The following CHD7 variants were observed in gnomAD, a reference collection of about 807,000 sequenced individuals.
CHD7 encodes ATP-dependent chromatin remodeler CHD7.
CHD7 carries 24 observed loss-of-function variants against 307.3 expected under a neutral mutation model. The ratio of observed to expected loss-of-function variants is 0.08; its 90% CI spans 0.06 to 0.11. CHD7 has a LOEUF of 0.11. CHD7 is among the 10% of genes least tolerant of loss of function. CHD7 has a pLI of 1.00. For missense variants in CHD7, 3,106 were observed against 3,727.1 expected (o/e 0.83, Z 4.34); for synonymous variants, 1,363 against 1,349.9 (o/e 1.01, Z -0.21).
chr8:60,685,803 C>T (rs1000055298), intron 1 of CHD7, among the ~76,000 whole-genome samples: 1 of 152,066 alleles, frequency 6.6e-6, no homozygotes, highest in African/African-American at 2.4e-5. Flanking sequence ...CTGTTACACC[C>T]AGAAAAGCTT....
chr8:60,841,620 A>G, intron 19 of CHD7, 24 bp from the exon 20 acceptor site: 1 of 1,562,870 alleles, frequency 6.4e-7, no homozygotes, highest in East Asian at 2.3e-5. Context: ...CTCTCAAAGT[A>G]ATGCGTTTCT....
At chr8:60,771,755 TG>T (rs1249228476) in intron 2 of CHD7, among the ~76,000 whole-genome samples, 1 of 152,074 alleles carries the variant, frequency 6.6e-6, no homozygotes, top group African/African-American at 2.4e-5. Context: ...ATGACTTGGG[TG>T]GGGGGCTTCA....
At chr8:60,834,878 G>A (rs1190772486) in intron 15 of CHD7, among the ~76,000 whole-genome samples, 2 of 152,192 alleles carry the variant, frequency 1.3e-5, no homozygotes, top group Admixed American at 1.3e-4. Context: ...CATGTGAGAG[G>A]CTGTGGTTGT....
intron 1 of CHD7, among the ~76,000 whole-genome samples, chr8:60,718,759 ACATC>A (rs138118142): frequency 0.011 from 1,605 of 151,934 alleles, 32 homozygotes; most frequent in African/African-American, 0.037. Context: ...GTGTGCAGTA[ACATC>A]CTAGGCCTTC....
intron 21 of CHD7, among the ~76,000 whole-genome samples, chr8:60,844,416 C>T (rs1010779759): frequency 1.6e-4 from 25 of 152,132 alleles, no homozygotes; most frequent in African/African-American, 5.3e-4. Flanking sequence ...TGGGTTGATG[C>T]GGCCATACTG....
At chr8:60,824,177 T>G (rs1241373236) in intron 13 of CHD7, 161 bp downstream of exon 13, 1 of 624,554 alleles carries the variant, frequency 1.6e-6, no homozygotes, top group Admixed American at 3.1e-5. Context: ...AGTTGTTGCC[T>G]TTTGGATTCT....
At chr8:60,800,576 AAATT>A in intron 5 of CHD7, 51 bp downstream of exon 5, 1 of 483,018 alleles carries the variant, frequency 2.1e-6, no homozygotes, top group Non-Finnish European at 3.1e-6. Flanking sequence ...GATGGACTAG[AAATT>A]TCATTGCTGC....
intron 37 of CHD7, 37 bp from the exon 38 acceptor site, chr8:60,864,979 G>A: frequency 6.5e-7 from 1 of 1,543,434 alleles, no homozygotes; most frequent in Non-Finnish European, 8.8e-7. Context: ...GTCTTCGACA[G>A]CCTTTATAGC....
intron 3 of CHD7, among the ~76,000 whole-genome samples, chr8:60,787,344 C>T (rs1390850522): frequency 6.6e-6 from 1 of 152,122 alleles, no homozygotes; most frequent in African/African-American, 2.4e-5. Context: ...GCCAGAGTCC[C>T]CCTTCCTACT....
chr8:60,835,659 G>A (rs1480599162), intron 15 of CHD7, among the ~76,000 whole-genome samples: 5 of 151,954 alleles, frequency 3.3e-5, no homozygotes, highest in South Asian at 2.1e-4. Context: ...TTTTCATTTC[G>A]GAACAGATTT....
intron 21 of CHD7, 37 bp downstream of exon 21, chr8:60,842,089 G>A: frequency 1.2e-5 from 18 of 1,522,560 alleles, no homozygotes; most frequent in East Asian, 4.5e-5. Flanking sequence ...GAATTTTATT[G>A]TAACAGTAGT....
Position 60,782,948 on chromosome 8 carries a change from A to G in CHD7, c.2096+1518A>G, listed in dbSNP as rs533184328. On this transcript the variant is annotated intron_variant, in intron 3 of 37. Coordinates refer to ENST00000423902, the MANE Select transcript of CHD7 (RefSeq NM_017780.4). ...TCCCAAGGAGAAAGAAATCAAAGCA[A>G]AAATCTTAAAAAGAATATAATCTTT... 4.6e-5 allele frequency among the ~76,000 whole-genome samples: 7 copies of G among 152,292 alleles called. No individual in the cohort carries two copies. In the South Asian group the frequency reaches 1.4e-3, roughly 32 times the overall value.
chr8:60,855,245 C>T (rs1156962293), intron 32 of CHD7: 2 of 152,166 alleles, frequency 1.3e-5, no homozygotes, highest in African/African-American at 4.8e-5. Flanking sequence ...CTGTCAAAGA[C>T]ATTTTGTTTC....
intron 4 of CHD7, among the ~76,000 whole-genome samples, chr8:60,797,054 A>G (rs1812068051): frequency 6.6e-6 from 1 of 152,220 alleles, no homozygotes; most frequent in Admixed American, 6.5e-5. Context: ...TTTAGTGTCA[A>G]TTCAAAAGTT....
chr8:60,818,976 G>A (rs1047165637), intron 8 of CHD7, among the ~76,000 whole-genome samples: 1 of 152,092 alleles, frequency 6.6e-6, no homozygotes, highest in Non-Finnish European at 1.5e-5. Context: ...TTTTGAGACG[G>A]AGTGTCGCCC....
At chr8:60,755,377 A>G (rs1007545226) in intron 2 of CHD7, among the ~76,000 whole-genome samples, 1 of 152,144 alleles carries the variant, frequency 6.6e-6, no homozygotes, top group Non-Finnish European at 1.5e-5. Flanking sequence ...TTTACTATTT[A>G]GAGCGAGAAG....
At chr8:60,779,900 C>T (rs979955270) in intron 2 of CHD7, among the ~76,000 whole-genome samples, 2 of 152,082 alleles carry the variant, frequency 1.3e-5, no homozygotes, top group East Asian at 1.9e-4. Flanking sequence ...AATCACCTAA[C>T]GCTTAGGGCT....
At chr8:60,790,031 G>A (rs1811694583) in intron 3 of CHD7, among the ~76,000 whole-genome samples, 1 of 152,236 alleles carries the variant, frequency 6.6e-6, no homozygotes, top group Non-Finnish European at 1.5e-5. Context: ...ACCCACCAGT[G>A]TAACCCAATT....
intron 21 of CHD7, among the ~76,000 whole-genome samples, chr8:60,844,417 G>A (rs1175374014): frequency 2.0e-5 from 3 of 152,148 alleles, no homozygotes; most frequent in Non-Finnish European, 2.9e-5. Flanking sequence ...GGGTTGATGC[G>A]GCCATACTGC....
Sources: gnomAD v4.1 joint callset for allele counts (sites outside exome capture counted in the v4.1 genomes callset) on GRCh38, gnomAD v4.1.1 for gene constraint, MANE v1.5 for transcripts, NCBI Gene and HGNC (gene_info 2026-07-23, HGNC 2026-07-21) for gene names.